CCDC148: variants seen among roughly 807,000 people sequenced by gnomAD.
The protein encoded by CCDC148 is coiled-coil domain containing 148, also known as coiled-coil domain-containing protein 148.
Under a neutral mutation model 85.7 loss-of-function variants are expected in CCDC148, and 89 were observed. The ratio of observed to expected loss-of-function variants is 1.04; its 90% confidence interval spans 0.87 to 1.24. The LOEUF is 1.24. Ranked by LOEUF, CCDC148 falls within the 50% of genes most tolerant of loss-of-function variation. The probability of loss-of-function intolerance (pLI) is 0.00; values close to 1 mark genes in which losing one functional copy is unlikely to be tolerated. For synonymous variants in CCDC148, 230 were observed against 213.9 expected (o/e 1.08, Z -0.66); for missense variants, 692 against 671.7 (o/e 1.03, Z -0.33).
intron 1 of CCDC148, among the ~76,000 whole-genome samples, chr2:158,433,707 G>A (rs1254479531): frequency 6.6e-6 from 1 of 152,168 alleles, no homozygotes; most frequent in Non-Finnish European, 1.5e-5. Context: ...AAGAGTGGGG[G>A]AATTCTCTTT....
chr2:158,436,663 C>G (rs1377038635), intron 1 of CCDC148, among the ~76,000 whole-genome samples: 1 of 129,098 alleles, frequency 7.7e-6, no homozygotes, highest in East Asian at 3.1e-4. Context: ...ATGAAAAATC[C>G]TTCAAAAAAA....
At position 158,212,383 on chromosome 2, in the gene CCDC148, C is replaced by T. The variant is rs893644174; in HGVS notation, c.1370+8212G>A. On this transcript the variant is annotated intron_variant, in intron 11 of 13. Transcript: ENST00000283233. ...TAGACTGTGAACCCACTTTAAATTT[C>T]CTTAATGCCTTCCAATACAACATGT... Among the ~76,000 whole-genome samples the T allele has an allele frequency of 2.0e-5, 3 of 152,204 alleles. No homozygotes were observed. The East Asian group carries it at 5.8e-4, about 29-fold the overall frequency.
At chr2:158,409,234 C>T (rs576298153) in intron 1 of CCDC148, among the ~76,000 whole-genome samples, 1 of 152,326 alleles carries the variant, frequency 6.6e-6, no homozygotes, top group South Asian at 2.1e-4. Context: ...GGCCACTATC[C>T]TCCAGACTCC....
intron 1 of CCDC148, among the ~76,000 whole-genome samples, chr2:158,399,778 A>C (rs1169668312): frequency 1.3e-5 from 2 of 152,192 alleles, no homozygotes; most frequent in African/African-American, 2.4e-5. Flanking sequence ...TGGCCAGGGC[A>C]ATCAGGCAAG....
intron 1 of CCDC148, among the ~76,000 whole-genome samples, chr2:158,402,711 G>C (rs1033734691): frequency 2.0e-5 from 3 of 152,046 alleles, no homozygotes; most frequent in African/African-American, 7.2e-5. Flanking sequence ...TTTAAAAGTT[G>C]TAGAAAAATG....
chr2:158,341,078 C>T (rs574785685), intron 3 of CCDC148, among the ~76,000 whole-genome samples: 210 of 152,158 alleles, frequency 1.4e-3, no homozygotes, highest in African/African-American at 5.0e-3. Context: ...CAAATCTAGA[C>T]CAACAAGGAG....
intron 9 of CCDC148, among the ~76,000 whole-genome samples, chr2:158,300,719 T>TG (rs1691401032): frequency 6.6e-6 from 1 of 152,108 alleles, no homozygotes; most frequent in Non-Finnish European, 1.5e-5. Flanking sequence ...ATGTGTAAAA[T>TG]GGAGTGTGTC....
intron 2 of CCDC148, among the ~76,000 whole-genome samples, chr2:158,353,250 C>A (rs1231940879): frequency 1.0e-5 from 1 of 97,280 alleles, no homozygotes; most frequent in African/African-American, 4.2e-5. Context: ...TGTAAATGGA[C>A]TAAATTCTCC....
At chr2:158,351,468 G>GTGACGAAC (rs1559090318) in intron 2 of CCDC148, among the ~76,000 whole-genome samples, 3 of 1,928 alleles carry the variant, frequency 1.6e-3, no homozygotes, top group Non-Finnish European at 3.1e-3. Flanking sequence ...CAAAGAAAGG[G>GTGACGAAC]GCACCTGGAA....
At chr2:158,177,742 T>C (rs757155191) in intron 12 of CCDC148, among the ~76,000 whole-genome samples, 1 of 152,112 alleles carries the variant, frequency 6.6e-6, no homozygotes, top group East Asian at 1.9e-4. Context: ...TCTTTTTTTA[T>C]CAAAGAAGAT....
At position 158,203,711 on chromosome 2, in the gene CCDC148, GA is replaced by G. The variant is rs552660818; in HGVS notation, c.1370+16883del. Among the ~76,000 whole-genome samples, 198 of 151,956 alleles carry G rather than the reference GA, an allele frequency of 1.3e-3. 1 individual carries two copies. Among genetic ancestry groups the G allele is most frequent in the Non-Finnish European group, 2.4e-3 (166 of 67,932 alleles). On this transcript the variant is annotated intron_variant, in intron 11 of 13. Coordinates refer to ENST00000283233, the MANE Select transcript of CCDC148 (RefSeq NM_138803.4). ...AATAAAGGAATTAAAAAAAGGAAAA[GA>G]AAAAAATTCTATAGCTATCAAAAGA...
At chr2:158,232,627 T>A (rs750027209) in intron 10 of CCDC148, among the ~76,000 whole-genome samples, 11 of 152,196 alleles carry the variant, frequency 7.2e-5, no homozygotes, top group Non-Finnish European at 1.5e-4. Flanking sequence ...TTTGAACAAA[T>A]AGACTTCTGT....
intron 10 of CCDC148, among the ~76,000 whole-genome samples, chr2:158,245,881 T>A (rs1441163438): frequency 6.6e-6 from 1 of 152,144 alleles, no homozygotes; most frequent in Non-Finnish European, 1.5e-5. Flanking sequence ...AACATCAATA[T>A]CATCTAACAA....
At chr2:158,279,297 G>C (rs1046965859) in intron 9 of CCDC148, among the ~76,000 whole-genome samples, 3 of 152,224 alleles carry the variant, frequency 2.0e-5, no homozygotes, top group African/African-American at 7.2e-5. Flanking sequence ...TTGACAAGTT[G>C]AGAGAAGAAG....
At chr2:158,419,634 G>A (rs1271480196) in intron 1 of CCDC148, among the ~76,000 whole-genome samples, 1 of 152,074 alleles carries the variant, frequency 6.6e-6, no homozygotes, top group Non-Finnish European at 1.5e-5. Context: ...TAAACATAGA[G>A]CTAGGAACAT....
intron 1 of CCDC148, among the ~76,000 whole-genome samples, chr2:158,373,255 A>C (rs376066295): frequency 6.6e-6 from 1 of 152,010 alleles, no homozygotes; most frequent in African/African-American, 2.4e-5. Context: ...CTAGAAAAGG[A>C]AAGGAAACAG....
intron 1 of CCDC148, among the ~76,000 whole-genome samples, chr2:158,400,495 G>A (rs191365824): frequency 7.2e-5 from 11 of 152,214 alleles, no homozygotes; most frequent in East Asian, 5.8e-4. Context: ...TGGGAAAACC[G>A]GCTAACCATA....
chr2:158,231,801 C>T (rs920010737), intron 10 of CCDC148, among the ~76,000 whole-genome samples: 10 of 152,108 alleles, frequency 6.6e-5, no homozygotes, highest in Non-Finnish European at 1.3e-4. Context: ...CAAAGTTGTA[C>T]ATGGGAACCG....
At chr2:158,389,250 C>T (rs1035605668) in intron 1 of CCDC148, among the ~76,000 whole-genome samples, 1 of 152,168 alleles carries the variant, frequency 6.6e-6, no homozygotes, top group Non-Finnish European at 1.5e-5. Context: ...TTTTCATTCT[C>T]TCTACGACTT....
Sources: gnomAD v4.1 joint callset for allele counts (sites outside exome capture counted in the v4.1 genomes callset) on GRCh38, gnomAD v4.1.1 for gene constraint, MANE v1.5 for transcripts, NCBI Gene and HGNC (gene_info 2026-07-23, HGNC 2026-07-21) for gene names.